TLN2: variants seen among roughly 807,000 people sequenced by gnomAD.
TLN2 encodes talin 2.
In TLN2, 118 loss-of-function variants were observed where a neutral mutation model predicts 294.7. The ratio of observed to expected loss-of-function variants is 0.40; its 90% confidence interval spans 0.34 to 0.47. The LOEUF is 0.47. Among genes scored for constraint, TLN2 ranks in the 20% least tolerant of loss-of-function variants. The pLI is 0.84. For missense variants in TLN2, 3,083 were observed against 3,282.2 expected, an observed-to-expected ratio of 0.94 and a Z score of 1.48; for synonymous variants, 1,431 against 1,304.5, an observed-to-expected ratio of 1.10 and a Z score of -2.09.
chr15:62,575,534 A>T (rs1305069148), intron 1 of TLN2, among the ~76,000 whole-genome samples: 1 of 152,076 alleles, frequency 6.6e-6, no homozygotes, highest in South Asian at 2.1e-4. Context: ...AAGGCAGACC[A>T]CCTCTTGGTA....
In TLN2 at chr15:62,776,523, A is replaced by G. The variant is rs529458406; in HGVS notation, c.5368-241A>G. 4.6e-5 allele frequency among the ~76,000 whole-genome samples: 7 copies of G among 152,284 alleles called. No individual in the cohort carries two copies. The East Asian group carries it at 1.2e-3, about 25-fold the overall frequency. On this transcript the variant is annotated intron_variant, in intron 42 of 58. Coordinates refer to ENST00000636159, the MANE Select transcript of TLN2 (RefSeq NM_015059.3). ...CATATAAAATTGGTCATGTCATAAG[A>G]TTTTGATATTGCAGTTTTATTTTTC...
rs543824259 is a variant in TLN2, at chr15:62,773,313, G to A, written c.5367+2179G>A. On this transcript the variant is annotated intron_variant, in intron 42 of 58. Transcript: ENST00000636159. Reference sequence around the variant, plus strand: ...CACAGTCAGCACTGTAAGCTTTCTGGTAACAGCCTCTGCTTGAAAGTGGTG... The same window carrying A: ...CACAGTCAGCACTGTAAGCTTTCTGATAACAGCCTCTGCTTGAAAGTGGTG... Among the ~76,000 whole-genome samples the A allele has an allele frequency of 2.4e-4, 37 of 151,624 alleles. 1 individual carries two copies. The South Asian group carries it at 7.1e-3, about 29-fold the overall frequency.
In TLN2 at chr15:62,582,246, A is replaced by ACCCC. The variant is rs1555435710; in HGVS notation, c.-237-7440_-237-7439insCCCC. On this transcript the variant is annotated intron_variant, in intron 1 of 58. Transcript: ENST00000636159. Reference sequence around the variant, plus strand: ...CACACACACACACACACACACACACACATTCATGCCTGACCCATTCCTGAC... The same window carrying ACCCC: ...CACACACACACACACACACACACACACCCCCATTCATGCCTGACCCATTCCTGAC... 8.3e-3 allele frequency among the ~76,000 whole-genome samples: 1,142 copies of ACCCC among 137,294 alleles called. 42 individuals are homozygous for ACCCC. Among genetic ancestry groups the ACCCC allele is most frequent in the Admixed American group, 0.029 (379 of 13,272 alleles). The allele number at this position is 137,294 out of a possible 152,430, so 90.1% of individuals were successfully genotyped here. A position where few individuals can be genotyped will look rare whatever the true frequency, so the allele number is the denominator to read the frequency against.
At chr15:62,506,504 CTG>C (rs1329289838) in intron 1 of TLN2, among the ~76,000 whole-genome samples, 16 of 152,238 alleles carry the variant, frequency 1.1e-4, no homozygotes, top group Non-Finnish European at 2.1e-4. Context: ...TTCCTAGGAA[CTG>C]TGCTGAACCT....
At chr15:62,637,820 T>C (rs917119077) in intron 3 of TLN2, 1 of 152,152 alleles carries the variant, frequency 6.6e-6, no homozygotes, top group African/African-American at 2.4e-5. Flanking sequence ...AAAGACTAGT[T>C]TATGGAAGCA....
At chr15:62,808,664 G>T (rs2066462090) in intron 51 of TLN2, among the ~76,000 whole-genome samples, 1 of 152,172 alleles carries the variant, frequency 6.6e-6, no homozygotes, top group Non-Finnish European at 1.5e-5. Context: ...TAGCATCCGG[G>T]CCTGTGTCTT....
intron 1 of TLN2, among the ~76,000 whole-genome samples, chr15:62,510,729 C>T (rs1184053619): frequency 1.3e-5 from 2 of 152,224 alleles, no homozygotes; most frequent in Non-Finnish European, 2.9e-5. Flanking sequence ...GCCTGGGCAC[C>T]AAGCAGTGCC....
intron 3 of TLN2, among the ~76,000 whole-genome samples, chr15:62,626,302 T>A (rs542003074): frequency 7.2e-5 from 10 of 139,160 alleles, no homozygotes; most frequent in African/African-American, 2.5e-4. Flanking sequence ...TTTCATCCAG[T>A]TGAACAAACA....
chr15:62,678,809 C>T (rs772799097), intron 11 of TLN2, among the ~76,000 whole-genome samples: 14 of 152,094 alleles, frequency 9.2e-5, no homozygotes, highest in Admixed American at 7.2e-4. Flanking sequence ...CCCACCTGGG[C>T]GATAGAGCAA....
intron 46 of TLN2, among the ~76,000 whole-genome samples, 161 bp downstream of exon 46, chr15:62,792,948 G>A (rs984827872): frequency 6.6e-6 from 1 of 152,198 alleles, no homozygotes; most frequent in African/African-American, 2.4e-5. Context: ...CCAAAAATGG[G>A]GTGCATCAGG....
chr15:62,635,001 C>A (rs2140898209), intron 3 of TLN2, among the ~76,000 whole-genome samples: 1 of 152,276 alleles, frequency 6.6e-6, no homozygotes, highest in East Asian at 1.9e-4. Flanking sequence ...ATTCCTTTGT[C>A]AATTCTGTCT....
intron 11 of TLN2, among the ~76,000 whole-genome samples, chr15:62,679,584 G>C (rs2056608333): frequency 6.6e-6 from 1 of 152,246 alleles, no homozygotes; most frequent in Non-Finnish European, 1.5e-5. Flanking sequence ...GAGACAGAAA[G>C]AAGGTTAGTG....
intron 22 of TLN2, among the ~76,000 whole-genome samples, chr15:62,712,905 AAG>A (rs778750496): frequency 4.6e-5 from 7 of 152,214 alleles, no homozygotes; most frequent in Non-Finnish European, 8.8e-5. Flanking sequence ...AATGTGAAAA[AAG>A]AAAATAAAAA....
chr15:62,809,039 G>A (rs1553107), intron 51 of TLN2, among the ~76,000 whole-genome samples: 109,703 of 152,100 alleles, frequency 0.72, 39,848 homozygotes, highest in Non-Finnish European at 0.76. Context: ...GATTAGCAGT[G>A]TATTTGTAGT....
At chr15:62,573,535 C>T (rs1294938534) in intron 1 of TLN2, among the ~76,000 whole-genome samples, 1 of 152,122 alleles carries the variant, frequency 6.6e-6, no homozygotes, top group Non-Finnish European at 1.5e-5. Flanking sequence ...ATAGAGAACC[C>T]TCCTTCTATC....
intron 1 of TLN2, among the ~76,000 whole-genome samples, chr15:62,575,275 G>A (rs899235639): frequency 6.6e-6 from 1 of 152,174 alleles, no homozygotes; most frequent in Admixed American, 6.5e-5. Context: ...AGCCGAGATT[G>A]TGCCATAGCA....
At chr15:62,691,165 C>T (rs768237404) in intron 12 of TLN2, among the ~76,000 whole-genome samples, 27 of 152,116 alleles carry the variant, frequency 1.8e-4, no homozygotes, top group Non-Finnish European at 3.5e-4. Context: ...AGTTTTCAGT[C>T]ATTATTTCTT....
chr15:62,523,879 G>A (rs899039891), intron 1 of TLN2, among the ~76,000 whole-genome samples: 9 of 152,194 alleles, frequency 5.9e-5, no homozygotes, highest in Admixed American at 2.6e-4. Context: ...GTATGAATGC[G>A]AGATATGCTT....
intron 24 of TLN2, among the ~76,000 whole-genome samples, chr15:62,718,563 C>G (rs916826474): frequency 1.2e-4 from 18 of 152,320 alleles, no homozygotes; most frequent in Admixed American, 3.3e-4. Flanking sequence ...TTCTCTGAGG[C>G]CAGCCCTACT....
Sources: allele counts gnomAD v4.1 joint callset (sites outside exome capture counted in the v4.1 genomes callset), GRCh38; gene constraint gnomAD v4.1.1; transcripts MANE v1.5; gene names NCBI Gene and HGNC (gene_info 2026-07-23, HGNC 2026-07-21).